Variants in KAZN observed in about 807,000 individuals in gnomAD.
KAZN encodes the protein kazrin, periplakin interacting protein, also known as kazrin.
KAZN carries 40 observed loss-of-function variants against 87.4 expected under a neutral mutation model. That is an observed-to-expected ratio of 0.46 (90% CI 0.36 to 0.60). The LOEUF (loss-of-function observed/expected upper bound fraction) is 0.60. Ranked by LOEUF, KAZN falls within the 20% of genes least tolerant of loss-of-function variation. The pLI, the probability that KAZN is intolerant of heterozygous loss-of-function variation, is 0.00. For synonymous variants in KAZN, 466 were observed against 458.3 expected, an observed-to-expected ratio of 1.02 and a Z score of -0.22; for missense variants, 898 against 1,073.9, an observed-to-expected ratio of 0.84 and a Z score of 2.29.
intron 2 of KAZN, among the ~76,000 whole-genome samples, chr1:14,204,957 C>T (rs1357495471): frequency 4.6e-5 from 7 of 152,224 alleles, no homozygotes; most frequent in African/African-American, 9.6e-5. Flanking sequence ...AATCTGATTT[C>T]TTGCCAATAT....
chr1:14,416,750 T>A (rs1304019383), intron 2 of KAZN, among the ~76,000 whole-genome samples: 1 of 150,398 alleles, frequency 6.6e-6, no homozygotes, highest in African/African-American at 2.4e-5. Flanking sequence ...GAAAAAAAAA[T>A]AATTGCTTAA....
chr1:14,523,586 G>A (rs1344600602), intron 2 of KAZN, among the ~76,000 whole-genome samples: 1 of 152,230 alleles, frequency 6.6e-6, no homozygotes, highest in Admixed American at 6.5e-5. Flanking sequence ...ATCACCAGCA[G>A]CCCTCTAGTG....
intron 1 of KAZN, among the ~76,000 whole-genome samples, chr1:14,017,785 G>A (rs1349163762): frequency 2.6e-5 from 4 of 152,126 alleles, no homozygotes; most frequent in Admixed American, 6.5e-5. Flanking sequence ...TTCTGTTTCC[G>A]CTTGTGGAGC....
At chr1:14,011,739 G>A (rs12565366) in intron 1 of KAZN, among the ~76,000 whole-genome samples, 17,262 of 152,220 alleles carry the variant, frequency 0.11, 1,222 homozygotes, top group South Asian at 0.22. Context: ...CATTTCTGAT[G>A]TAATCAGCGA....
chr1:14,417,993 C>CCAAAA (rs1664951096), intron 2 of KAZN, among the ~76,000 whole-genome samples: 6 of 33,808 alleles, frequency 1.8e-4, no homozygotes, highest in Non-Finnish European at 2.7e-4. Context: ...GAGACTGCCT[C>CCAAAA]AAAAAAAAAA....
intron 1 of KAZN, among the ~76,000 whole-genome samples, chr1:14,811,191 T>G (rs946256075): frequency 3.3e-5 from 5 of 152,216 alleles, no homozygotes; most frequent in Admixed American, 6.5e-5. Context: ...GTGGTGCTTT[T>G]TCTTCCCCAC....
intron 1 of KAZN, among the ~76,000 whole-genome samples, chr1:14,656,808 C>T (rs1050209520): frequency 6.6e-6 from 1 of 152,252 alleles, no homozygotes; most frequent in Non-Finnish European, 1.5e-5. Context: ...ACCTGCCCAC[C>T]AGGCCTGTCT....
chr1:15,037,036 A>C (rs1672410574), intron 3 of KAZN, among the ~76,000 whole-genome samples: 3 of 151,092 alleles, frequency 2.0e-5, no homozygotes, highest in African/African-American at 2.4e-5. Flanking sequence ...TCTTCCCCCA[A>C]CCCCATCACC....
chr1:14,414,081 G>C (rs760973205), intron 2 of KAZN, among the ~76,000 whole-genome samples: 4 of 152,150 alleles, frequency 2.6e-5, no homozygotes, highest in Non-Finnish European at 5.9e-5. Context: ...CCCATAACAT[G>C]CTTTGCACTA....
At chr1:14,325,111 C>T (rs771019031) in intron 2 of KAZN, among the ~76,000 whole-genome samples, 27 of 152,226 alleles carry the variant, frequency 1.8e-4, no homozygotes, top group Non-Finnish European at 2.1e-4. Context: ...ATTTTGGTGG[C>T]GCAATTTATG....
At chr1:14,950,181 C>A (rs547972034) in intron 1 of KAZN, among the ~76,000 whole-genome samples, 4 of 152,032 alleles carry the variant, frequency 2.6e-5, no homozygotes, top group Non-Finnish European at 4.4e-5. Flanking sequence ...ATTTGAGAGT[C>A]TTCTCCTATT....
At chr1:14,608,216 C>T (rs1428522466) in intron 1 of KAZN, among the ~76,000 whole-genome samples, 1 of 151,910 alleles carries the variant, frequency 6.6e-6, no homozygotes, top group Admixed American at 6.6e-5. Context: ...CCTTCCCTTC[C>T]TCTTTTTTTC....
At chr1:15,109,945 G>GTGTT (rs796563454) in intron 13 of KAZN, among the ~76,000 whole-genome samples, 1 of 151,116 alleles carries the variant, frequency 6.6e-6, no homozygotes, top group Non-Finnish European at 1.5e-5. Context: ...GTGTGTGTTT[G>GTGTT]TGTATGTGTT....
chr1:14,509,701 G>A lies in KAZN; in HGVS notation c.250-89282G>A, dbSNP rs141191305. On this transcript the variant is annotated intron_variant, in intron 2 of 16. Transcript: ENST00000636203. ...AGCAGTAAACAAGACAGACAATGCT[G>A]TGTCCCCCTTTTCCTGGAAGAGGCA... 2.8e-3 allele frequency among the ~76,000 whole-genome samples: 426 copies of A among 152,274 alleles called. 3 individuals are homozygous for A. The highest frequency in any genetic ancestry group is 3.7e-3 in the East Asian group (19 of 5,174).
At chr1:15,049,769 A>G (rs1259631512) in intron 4 of KAZN, among the ~76,000 whole-genome samples, 4 of 152,112 alleles carry the variant, frequency 2.6e-5, no homozygotes, top group African/African-American at 9.7e-5. Context: ...CACACCTGTA[A>G]TCCCAGCACT....
intron 1 of KAZN, among the ~76,000 whole-genome samples, chr1:14,725,222 A>G (rs1643319734): frequency 6.6e-6 from 1 of 152,120 alleles, no homozygotes; most frequent in African/African-American, 2.4e-5. Flanking sequence ...TGTTATCACC[A>G]GTCTGGAATA....
At position 13,976,586 on chromosome 1, in the gene KAZN, A is replaced by G. The variant is rs540322756; in HGVS notation, c.91+82830A>G. On this transcript the variant is annotated intron_variant, in intron 1 of 16. Coordinates refer to the KAZN transcript ENST00000636203. ...GGCAAACTCAGTTCTCATTGGCAGC[A>G]TTTTATTTTAAAGGTTCATTAGGCA... Among the ~76,000 whole-genome samples, 477 of 152,086 alleles carry G rather than the reference A, an allele frequency of 3.1e-3. 1 individual carries two copies. The highest frequency in any genetic ancestry group is 4.9e-3 in the Non-Finnish European group (334 of 67,980).
intron 2 of KAZN, among the ~76,000 whole-genome samples, chr1:14,451,587 A>AGG (rs1667279450): frequency 7.0e-6 from 1 of 142,278 alleles, no homozygotes. Context: ...TTTCAGAAAG[A>AGG]GAGAGAGAGA....
chr1:14,167,809 G>A (rs1368022166), intron 1 of KAZN, among the ~76,000 whole-genome samples: 2 of 152,162 alleles, frequency 1.3e-5, no homozygotes, highest in African/African-American at 2.4e-5. Context: ...GAAGTAAAAG[G>A]CCTTGAGGTG....
Sources: allele counts gnomAD v4.1 joint callset (sites outside exome capture counted in the v4.1 genomes callset), GRCh38; gene constraint gnomAD v4.1.1; transcripts MANE v1.5; gene names NCBI Gene and HGNC (gene_info 2026-07-23, HGNC 2026-07-21).